The following MLLT1 variants were observed in gnomAD, a reference collection of about 807,000 sequenced individuals.
MLLT1 encodes the protein protein ENL.
MLLT1 carries 11 observed loss-of-function variants against 55.1 expected under a neutral mutation model. The ratio of observed to expected loss-of-function variants is 0.20; its 90% CI spans 0.13 to 0.33. The LOEUF (loss-of-function observed/expected upper bound fraction) is 0.33. Ranked by LOEUF, MLLT1 falls within the 10% of genes least tolerant of loss-of-function variation. The probability of loss-of-function intolerance (pLI) is 1.00; values close to 1 mark genes in which losing one functional copy is unlikely to be tolerated. For missense variants in MLLT1, 536 were observed against 760.6 expected (o/e 0.70, Z 3.47); for synonymous variants, 323 against 320.1 (o/e 1.01, Z -0.10).
intron 5 of MLLT1, among the ~76,000 whole-genome samples, chr19:6,223,662 C>G (rs1384686911): frequency 1.3e-5 from 2 of 152,188 alleles, no homozygotes; most frequent in Non-Finnish European, 2.9e-5. Flanking sequence ...GCTGAGTTGG[C>G]TCAGCCCGCG....
chr19:6,251,468 T>C (rs533243874), intron 3 of MLLT1, among the ~76,000 whole-genome samples: 6 of 152,358 alleles, frequency 3.9e-5, no homozygotes, highest in African/African-American at 1.4e-4. Context: ...GCCCTGGTCC[T>C]GAGCTTACTT....
At chr19:6,225,270 C>T (rs8106567) in intron 5 of MLLT1, among the ~76,000 whole-genome samples, 2,165 of 152,346 alleles carry the variant, frequency 0.014, 62 homozygotes, top group African/African-American at 0.047. Context: ...CTGCACTCAC[C>T]AGCAGTCCCC....
rs752085896 is a variant in MLLT1, at chr19:6,227,154, C to G, written c.421-52G>C. On this transcript the variant is annotated intron_variant, in intron 4 of 11. Transcript: ENST00000252674. This position sits in a 1 kb window ranked among gnomAD's most constrained non-coding sequence, Gnocchi z 5.1. ...ATCGATGGGCAGGGGGCAGGGGGCC[C>G]ACACGGGCCGGGCTGAAGGTGGTGG... The G allele has an allele frequency of 1.7e-5, 27 of 1,555,110 alleles. No individual in the cohort carries two copies. Among genetic ancestry groups the G allele is most frequent in the Middle Eastern group, 1.7e-4 (1 of 5,892 alleles).
At chr19:6,213,510 A>G (rs888015785) in intron 10 of MLLT1, 102 bp from the exon 11 acceptor site, 76 of 1,144,592 alleles carry the variant, frequency 6.6e-5, no homozygotes, top group Non-Finnish European at 9.2e-5. Flanking sequence ...AGCACAGGAC[A>G]GAGGTAGCCA....
rs2091315258 is a variant in MLLT1, at chr19:6,262,629, G to C, written c.194-319C>G. On this transcript the variant is annotated intron_variant, in intron 2 of 11. Transcript: ENST00000252674. The surrounding 1 kb of genome is among the most constrained non-coding windows in gnomAD (Gnocchi z 4.4). ...GATGAGGAGGCTGAGGCCAGAGAAG[G>C]CTGCACAAGTTTGCCCGACTCAGGT... is the stretch of plus-strand genomic sequence containing the variant. Among the ~76,000 whole-genome samples the C allele has an allele frequency of 6.6e-6, 1 of 152,166 alleles. No homozygotes were observed.
chr19:6,224,010 G>A, intron 5 of MLLT1, among the ~76,000 whole-genome samples: 1 of 152,198 alleles, frequency 6.6e-6, no homozygotes, highest in East Asian at 1.9e-4. Flanking sequence ...GAGTACCAGG[G>A]AGGAGGGGGG....
intron 3 of MLLT1, among the ~76,000 whole-genome samples, chr19:6,248,912 A>G (rs1196063473): frequency 6.6e-6 from 1 of 152,166 alleles, no homozygotes. Flanking sequence ...TGTGTCTAAA[A>G]TTATTTCCAA....
chr19:6,253,832 A>G (rs2091238049), intron 3 of MLLT1, among the ~76,000 whole-genome samples: 1 of 152,194 alleles, frequency 6.6e-6, no homozygotes, highest in African/African-American at 2.4e-5. Context: ...AGAAGGTGTG[A>G]CACGGTAAGA....
intron 3 of MLLT1, among the ~76,000 whole-genome samples, chr19:6,251,403 A>G (rs745561283): frequency 6.6e-6 from 1 of 152,184 alleles, no homozygotes; most frequent in Admixed American, 6.5e-5. Context: ...TTCATTTAAT[A>G]AATATTTAGC....
chr19:6,273,237 C>T lies in MLLT1; in HGVS notation c.13-2478G>A, dbSNP rs2091408523. On this transcript the variant is annotated intron_variant, in intron 1 of 11. Coordinates refer to ENST00000252674, the MANE Select transcript of MLLT1 (RefSeq NM_005934.4). The surrounding 1 kb of genome is among the most constrained non-coding windows in gnomAD (Gnocchi z 4.3). ...AGGGCGAATGGCAAACTAACAGCAA[C>T]CCCAGCCCATGAGGAGGCAACCAGA... Among the ~76,000 whole-genome samples the T allele has an allele frequency of 6.6e-6, 1 of 152,092 alleles. No homozygotes were observed. Among genetic ancestry groups the T allele is most frequent in the East Asian group, 1.9e-4 (1 of 5,182 alleles).
At chr19:6,245,697 C>T (rs1235655548) in intron 3 of MLLT1, among the ~76,000 whole-genome samples, 16 of 150,730 alleles carry the variant, frequency 1.1e-4, no homozygotes, top group Admixed American at 9.9e-4. Flanking sequence ...GGCGACAGAG[C>T]GAGACTCCGT....
At chr19:6,263,182 T>A (rs2091319315) in intron 2 of MLLT1, 1 of 152,182 alleles carries the variant, frequency 6.6e-6, no homozygotes, top group Non-Finnish European at 1.5e-5. Flanking sequence ...AGACTCCATT[T>A]AAAAAATTAA....
chr19:6,255,070 T>C (rs980005449), intron 3 of MLLT1, among the ~76,000 whole-genome samples: 4 of 151,796 alleles, frequency 2.6e-5, no homozygotes, highest in Non-Finnish European at 5.9e-5. Context: ...TTGTTTGTGC[T>C]GTCCAGAGAG....
At chr19:6,259,414 G>T (rs992876012) in intron 3 of MLLT1, 4 of 152,202 alleles carry the variant, frequency 2.6e-5, no homozygotes, top group Admixed American at 6.5e-5. Context: ...GCCTGTCTCA[G>T]GTATTTGGAC....
In MLLT1 at chr19:6,270,774, G is replaced by T. The variant is rs770279510; in HGVS notation, c.13-15C>A. ...TGGACGGTGCACTGGAGGAGAGAGA[G>T]GTGGGGAGATGAAGTCAGCACACGC... is the stretch of plus-strand genomic sequence containing the variant. On this transcript the variant is annotated splice_polypyrimidine_tract_variant and intron_variant, in intron 1 of 11. Transcript: ENST00000252674. This position sits in a 1 kb window ranked among gnomAD's most constrained non-coding sequence, Gnocchi z 7.1. The T allele has an allele frequency of 1.9e-6, 3 of 1,589,338 alleles. No individual in the cohort carries two copies. The highest frequency in any genetic ancestry group is 2.7e-5 in the African/African-American group (2 of 74,352).
intron 5 of MLLT1, among the ~76,000 whole-genome samples, chr19:6,225,914 T>C (rs535625982): frequency 7.8e-4 from 119 of 152,370 alleles, no homozygotes; most frequent in African/African-American, 2.6e-3. Context: ...TTTCCTTCAT[T>C]GAGCCTCCAC....
intron 6 of MLLT1, among the ~76,000 whole-genome samples, chr19:6,220,637 T>C (rs1387960939): frequency 6.6e-6 from 1 of 152,206 alleles, no homozygotes; most frequent in East Asian, 1.9e-4. Flanking sequence ...TGGAGCTGCC[T>C]TGCCGCTGCC....
At chr19:6,221,507 T>G (rs2090896389) in intron 6 of MLLT1, among the ~76,000 whole-genome samples, 1 of 152,110 alleles carries the variant, frequency 6.6e-6, no homozygotes. Context: ...GGGGTCCTCG[T>G]TCCAAGCTCA....
rs2090811249 is a variant in MLLT1, at chr19:6,214,038, C to T, written c.1308G>A (p.Arg436=). 3.5e-6 allele frequency: 5 copies of T among 1,439,884 alleles called. No individual in the cohort carries two copies. The South Asian group carries it at 4.8e-5, about 14-fold the overall frequency. 89.2% of individuals were successfully genotyped at this position (1,439,884 alleles called of 1,614,324 possible). A position where few individuals can be genotyped will look rare whatever the true frequency, so the allele number is the denominator to read the frequency against. Residue 436 remains arginine (R), a splice_region_variant and synonymous_variant, in exon 9 of 12, where the codon AGG becomes AGA. Coordinates refer to ENST00000252674, the MANE Select transcript of MLLT1 (RefSeq NM_005934.4). ...AGKTNPGRDS[R]LSFSDSESDN... The stretch of plus-strand genomic sequence containing the variant: ...CACTCTCGCTGTCGCTGAAGCTCAA[C>T]CTGAACCGACACACGGGGGCGCATC...
Sources: gnomAD v4.1 joint callset for allele counts (sites outside exome capture counted in the v4.1 genomes callset) on GRCh38, gnomAD v4.1.1 for gene constraint, Gnocchi (gnomAD v3.1) non-coding constraint, MANE v1.5 for transcripts, NCBI Gene and HGNC (gene_info 2026-07-23, HGNC 2026-07-21) for gene names.